CDH13: variants seen among roughly 807,000 people sequenced by gnomAD.
The protein encoded by CDH13 is cadherin 13, also known as cadherin-13.
Under a neutral mutation model 63.8 loss-of-function variants are expected in CDH13, and 24 were observed. That is an observed-to-expected ratio of 0.38 (90% CI 0.27 to 0.53). CDH13 has a LOEUF of 0.53. Ranked by LOEUF, CDH13 falls within the 20% of genes least tolerant of loss-of-function variation. The pLI is 0.85. For synonymous variants in CDH13, 503 were observed against 355.3 expected (o/e 1.42, Z -4.67); for missense variants, 1,049 against 903.1 (o/e 1.16, Z -2.07).
intron 8 of CDH13, among the ~76,000 whole-genome samples, chr16:83,662,420 G>A (rs1426110234): frequency 1.3e-5 from 2 of 152,200 alleles, no homozygotes; most frequent in African/African-American, 2.4e-5. Flanking sequence ...ATTAATGTTA[G>A]TTGGACCAAG....
intron 4 of CDH13, among the ~76,000 whole-genome samples, chr16:83,206,160 G>C (rs2039175524): frequency 1.3e-5 from 2 of 152,130 alleles, no homozygotes; most frequent in Non-Finnish European, 2.9e-5. Flanking sequence ...ACTTTCGGCA[G>C]CTTTTCCCTT....
At chr16:83,522,683 C>T (rs568908882) in intron 7 of CDH13, among the ~76,000 whole-genome samples, 10 of 152,226 alleles carry the variant, frequency 6.6e-5, no homozygotes, top group South Asian at 2.1e-4. Flanking sequence ...AGCAGGTGGG[C>T]GGCAGAGTTC....
intron 2 of CDH13, among the ~76,000 whole-genome samples, chr16:83,008,283 G>T (rs970027527): frequency 1.3e-5 from 2 of 152,192 alleles, no homozygotes; most frequent in Non-Finnish European, 2.9e-5. Context: ...TGTTAGATGG[G>T]CTGTCCAGGA....
chr16:83,535,381 C>A (rs573984112), intron 7 of CDH13, among the ~76,000 whole-genome samples: 1 of 152,312 alleles, frequency 6.6e-6, no homozygotes, highest in African/African-American at 2.4e-5. Context: ...ATGCTGTGGC[C>A]ACATTGTAGA....
intron 7 of CDH13, among the ~76,000 whole-genome samples, chr16:83,552,811 G>A (rs1478462266): frequency 1.3e-5 from 2 of 152,232 alleles, no homozygotes; most frequent in Non-Finnish European, 2.9e-5. Context: ...GCTGGGCGCA[G>A]TGGCTCACAC....
chr16:83,735,071 G>T (rs1244350427), intron 10 of CDH13, among the ~76,000 whole-genome samples: 1 of 151,152 alleles, frequency 6.6e-6, no homozygotes, highest in African/African-American at 2.4e-5. Context: ...AAAAAATGAT[G>T]AATAGAAGTT....
At chr16:83,214,300 C>A (rs551808215) in intron 4 of CDH13, among the ~76,000 whole-genome samples, 16 of 152,086 alleles carry the variant, frequency 1.1e-4, no homozygotes, top group Middle Eastern at 6.8e-3. Flanking sequence ...GAAACCTAGG[C>A]CGGACGTGGT....
At chr16:82,839,218 G>A (rs996469651) in intron 1 of CDH13, among the ~76,000 whole-genome samples, 1 of 152,190 alleles carries the variant, frequency 6.6e-6, no homozygotes, top group Non-Finnish European at 1.5e-5. Flanking sequence ...GTTCTTCTCA[G>A]GGAGCCCCCT....
At chr16:83,428,254 C>A (rs915456963) in intron 6 of CDH13, among the ~76,000 whole-genome samples, 2 of 152,060 alleles carry the variant, frequency 1.3e-5, no homozygotes, top group African/African-American at 4.8e-5. Context: ...CTGAGAAACA[C>A]AGGAAAAACA....
rs1032538211 is a variant in CDH13, at chr16:82,656,631, G to A, written c.45+29494G>A. Among the ~76,000 whole-genome samples, 4 of 152,086 alleles carry A rather than the reference G, an allele frequency of 2.6e-5. No homozygotes were observed. The South Asian group carries it at 6.2e-4, about 24-fold the overall frequency. On this transcript the variant is annotated intron_variant, in intron 1 of 13. Coordinates refer to ENST00000567109, the MANE Select transcript of CDH13 (RefSeq NM_001257.5). ...TGAGGGTTCACTCTTGGTGCTGTAC[G>A]GTGTATGGTGGATACATGACAAATG...
chr16:83,383,435 C>CAAGCCTTG lies in CDH13; in HGVS notation c.781+38431_781+38438dup, dbSNP rs1290981015. 4.6e-5 allele frequency among the ~76,000 whole-genome samples: 7 copies of CAAGCCTTG among 152,298 alleles called. No individual in the cohort carries two copies. In the East Asian group the frequency reaches 1.4e-3, roughly 29 times the overall value. ...GCTGCTCTCATGAGACCTCAACTCA[C>CAAGCCTTG]AAGCCTTGACTCACCTGCCAGTTCT... On this transcript the variant is annotated intron_variant, in intron 6 of 13. Coordinates refer to ENST00000567109, the MANE Select transcript of CDH13 (RefSeq NM_001257.5).
At chr16:83,403,623 A>G (rs1284666362) in intron 6 of CDH13, among the ~76,000 whole-genome samples, 1 of 151,366 alleles carries the variant, frequency 6.6e-6, no homozygotes, top group African/African-American at 2.4e-5. Context: ...ACTCCGTCTC[A>G]AAAATAATAA....
chr16:82,828,436 A>T (rs1199764062), intron 1 of CDH13, among the ~76,000 whole-genome samples: 1 of 152,086 alleles, frequency 6.6e-6, no homozygotes, highest in Non-Finnish European at 1.5e-5. Flanking sequence ...TGGCCAACAT[A>T]GTGAAACCCC....
At chr16:82,830,902 C>G (rs2038509442) in intron 1 of CDH13, among the ~76,000 whole-genome samples, 2 of 152,134 alleles carry the variant, frequency 1.3e-5, no homozygotes, top group South Asian at 4.1e-4. Context: ...GAAAAACTGT[C>G]CTATTACTAT....
intron 1 of CDH13, among the ~76,000 whole-genome samples, chr16:82,774,644 C>G (rs551974919): frequency 7.2e-5 from 11 of 152,318 alleles, no homozygotes; most frequent in African/African-American, 2.6e-4. Flanking sequence ...CTTACCATCA[C>G]CCTGTGTTAA....
intron 12 of CDH13, among the ~76,000 whole-genome samples, chr16:83,780,511 A>G (rs1706960328): frequency 6.6e-6 from 1 of 152,080 alleles, no homozygotes; most frequent in African/African-American, 2.4e-5. Context: ...CCAATATTCT[A>G]TCTTTAAAAT....
At chr16:82,831,354 T>C (rs116788697) in intron 1 of CDH13, among the ~76,000 whole-genome samples, 2,863 of 152,234 alleles carry the variant, frequency 0.019, 85 homozygotes, top group African/African-American at 0.065. Context: ...CAATTCAGCT[T>C]GGTTGATTAT....
intron 4 of CDH13, among the ~76,000 whole-genome samples, chr16:83,158,590 C>T (rs570294741): frequency 7.7e-4 from 117 of 152,312 alleles, no homozygotes; most frequent in South Asian, 2.9e-3. Context: ...TTCAGAAAGT[C>T]GTGGAGGTAG....
chr16:83,066,767 C>G (rs1349377372), intron 3 of CDH13, among the ~76,000 whole-genome samples: 2 of 152,182 alleles, frequency 1.3e-5, no homozygotes, highest in Non-Finnish European at 2.9e-5. Flanking sequence ...GTCACAGAGA[C>G]TGGAATGCTC....
Sources: allele counts gnomAD v4.1 joint callset (sites outside exome capture counted in the v4.1 genomes callset), GRCh38; gene constraint gnomAD v4.1.1; transcripts MANE v1.5; gene names NCBI Gene and HGNC (gene_info 2026-07-23, HGNC 2026-07-21).